SHOC2: variants seen among roughly 807,000 people sequenced by gnomAD.
SHOC2 encodes the protein SHOC2 leucine rich repeat scaffold protein.
SHOC2 carries 4 observed loss-of-function variants against 50.2 expected under a neutral mutation model. The observed-to-expected ratio is 0.08, with a 90% CI of 0.04 to 0.18. SHOC2 has a LOEUF of 0.18. SHOC2 is among the 10% of genes least tolerant of loss of function. The pLI is 1.00. For synonymous variants in SHOC2, 218 were observed against 244.5 expected (o/e 0.89, Z 1.01); for missense variants, 388 against 669.6 (o/e 0.58, Z 4.64).
At chr10:110,942,510 G>C (rs1324585643) in intron 1 of SHOC2, among the ~76,000 whole-genome samples, 1 of 152,082 alleles carries the variant, frequency 6.6e-6, no homozygotes, top group Non-Finnish European at 1.5e-5. Context: ...ACTGTACCCA[G>C]CTCATTTGTT....
intron 1 of SHOC2, among the ~76,000 whole-genome samples, chr10:110,926,203 T>C (rs186682470): frequency 6.6e-6 from 1 of 152,334 alleles, no homozygotes; most frequent in East Asian, 1.9e-4. Flanking sequence ...ATATATTTGA[T>C]GTCTGTCTTT....
At chr10:110,919,412 G>A (rs1434292785), upstream of SHOC2, 4 of 392,322 alleles carry the variant, frequency 1.0e-5, no homozygotes, top group African/African-American at 4.1e-5. Flanking sequence ...GGCACTGCCC[G>A]TCTCTGATTG....
At chr10:110,936,998 A>T (rs1303972264) in intron 1 of SHOC2, 3 of 1,478,398 alleles carry the variant, frequency 2.0e-6, no homozygotes, top group Middle Eastern at 1.7e-4. Flanking sequence ...CAGCCAGAAG[A>T]TGGGGCTGGG....
At chr10:110,995,066 A>G (rs1325226258) in intron 3 of SHOC2, among the ~76,000 whole-genome samples, 1 of 152,218 alleles carries the variant, frequency 6.6e-6, no homozygotes, top group South Asian at 2.1e-4. Context: ...ATAGATTTTT[A>G]TGGGCCTTTC....
intron 1 of SHOC2, among the ~76,000 whole-genome samples, chr10:110,948,217 A>G (rs185596885): frequency 6.6e-6 from 1 of 152,310 alleles, no homozygotes; most frequent in East Asian, 1.9e-4. Flanking sequence ...GCACCAAAAT[A>G]TTTTTTATAA....
chr10:111,004,998 A>G (rs887566385), intron 5 of SHOC2, among the ~76,000 whole-genome samples: 3 of 152,208 alleles, frequency 2.0e-5, no homozygotes, highest in African/African-American at 7.2e-5. Context: ...GTCCTAAAGA[A>G]ATCATTGTCC....
At chr10:110,936,489 CTTT>C in intron 1 of SHOC2, 1 of 573,286 alleles carries the variant, frequency 1.7e-6, no homozygotes, top group Non-Finnish European at 3.0e-6. Flanking sequence ...AAAGGATTCT[CTTT>C]TTAAATCTTT....
intron 2 of SHOC2, among the ~76,000 whole-genome samples, chr10:110,966,900 G>T (rs1327389060): frequency 6.6e-6 from 1 of 152,076 alleles, no homozygotes; most frequent in East Asian, 1.9e-4. Context: ...TCTAAGCAGG[G>T]CATCAGAAAG....
intron 2 of SHOC2, among the ~76,000 whole-genome samples, chr10:110,975,374 C>A (rs1171638976): frequency 6.6e-6 from 1 of 152,108 alleles, no homozygotes; most frequent in Non-Finnish European, 1.5e-5. Flanking sequence ...GATCTCCTGA[C>A]CTCGTGATCT....
chr10:110,919,876 C>T, intron 1 of SHOC2: 1 of 356,196 alleles, frequency 2.8e-6, no homozygotes, highest in Non-Finnish European at 5.0e-6. Context: ...GTGCGGGGCC[C>T]TTGGAGCCGG....
chr10:111,007,659 T>C lies in SHOC2; in HGVS notation c.1284+6T>C, dbSNP rs1202795223. Reference sequence around the variant, plus strand: ...CTGGTCTCGTTTCTCTTGAGGTTAGTATAAATGAGCAATTAGAGAACTTCA... The same window carrying C: ...CTGGTCTCGTTTCTCTTGAGGTTAGCATAAATGAGCAATTAGAGAACTTCA... On this transcript the variant is annotated splice_donor_region_variant and intron_variant, in intron 6 of 8. Coordinates refer to ENST00000369452, the MANE Select transcript of SHOC2 (RefSeq NM_007373.4). The C allele has an allele frequency of 6.2e-7, 1 of 1,613,230 alleles. No homozygotes were observed. The highest frequency in any genetic ancestry group is 8.5e-7 in the Non-Finnish European group (1 of 1,179,470).
At chr10:110,996,266 C>T (rs1407502022) in intron 3 of SHOC2, among the ~76,000 whole-genome samples, 7 of 152,102 alleles carry the variant, frequency 4.6e-5, no homozygotes, top group South Asian at 2.1e-4. Context: ...CAGTGGCTCA[C>T]GCCTGTAATC....
intron 8 of SHOC2, among the ~76,000 whole-genome samples, chr10:111,010,161 T>C (rs1490676701): frequency 6.6e-6 from 1 of 152,148 alleles, no homozygotes; most frequent in African/African-American, 2.4e-5. Context: ...GAATTAGTAA[T>C]GTTTTATGCC....
At chr10:110,945,915 A>G (rs1044268451) in intron 1 of SHOC2, among the ~76,000 whole-genome samples, 3 of 152,040 alleles carry the variant, frequency 2.0e-5, no homozygotes, top group Admixed American at 1.3e-4. Context: ...CTCTGTGTTG[A>G]GCTATCTTCC....
chr10:110,934,612 C>G (rs1342563345), intron 1 of SHOC2, among the ~76,000 whole-genome samples: 2 of 152,170 alleles, frequency 1.3e-5, no homozygotes, highest in African/African-American at 4.8e-5. Context: ...ACTCCCTTTA[C>G]ATATGTCCTT....
At chr10:111,006,974 C>T (rs909860626) in intron 5 of SHOC2, among the ~76,000 whole-genome samples, 2 of 152,088 alleles carry the variant, frequency 1.3e-5, no homozygotes, top group Admixed American at 6.5e-5. Flanking sequence ...ATATATTTTA[C>T]CATTTTTTTC....
chr10:110,947,645 T>C (rs2134099042), intron 1 of SHOC2, among the ~76,000 whole-genome samples: 1 of 152,202 alleles, frequency 6.6e-6, no homozygotes, highest in African/African-American at 2.4e-5. Context: ...TTGTATGTGA[T>C]TGAAATTAAA....
At chr10:110,924,655 A>G (rs1367332197) in intron 1 of SHOC2, among the ~76,000 whole-genome samples, 1 of 152,084 alleles carries the variant, frequency 6.6e-6, no homozygotes, top group Non-Finnish European at 1.5e-5. Context: ...CACCTTCAAC[A>G]CCTGTGAAAA....
intron 2 of SHOC2, 41 bp downstream of exon 2, chr10:110,965,102 T>A: frequency 6.4e-7 from 1 of 1,561,848 alleles, no homozygotes. Context: ...GTATTTGTTA[T>A]GCTAAATAAT....
Sources: allele counts gnomAD v4.1 joint callset (sites outside exome capture counted in the v4.1 genomes callset), GRCh38; gene constraint gnomAD v4.1.1; transcripts MANE v1.5; gene names NCBI Gene and HGNC (gene_info 2026-07-23, HGNC 2026-07-21).